The following SCAF11 variants were observed in gnomAD, a reference collection of about 807,000 sequenced individuals.
SCAF11 encodes the protein protein SCAF11.
In SCAF11, 47 loss-of-function variants were observed where a neutral mutation model predicts 140.5. That is an observed-to-expected ratio of 0.33 (90% CI 0.26 to 0.43). The LOEUF (loss-of-function observed/expected upper bound fraction) is 0.43, where lower values mean the gene tolerates loss of function less well. Ranked by LOEUF, SCAF11 falls within the 20% of genes least tolerant of loss-of-function variation. SCAF11 has a pLI of 1.00. For missense variants in SCAF11, 1,645 were observed against 1,705.1 expected (o/e 0.96, Z 0.62); for synonymous variants, 557 against 579.4 (o/e 0.96, Z 0.55).
chr12:45,943,797 G>A (rs1592186217), intron 6 of SCAF11, among the ~76,000 whole-genome samples: 1 of 152,230 alleles, frequency 6.6e-6, no homozygotes, highest in East Asian at 1.9e-4. Context: ...GGCATCTTAA[G>A]TAGATACAGC....
intron 1 of SCAF11, among the ~76,000 whole-genome samples, chr12:45,970,164 G>A (rs1167243390): frequency 3.3e-5 from 5 of 152,106 alleles, no homozygotes; most frequent in Non-Finnish European, 7.4e-5. Context: ...AAAGTGCTGG[G>A]ATTACAGGCA....
intron 1 of SCAF11, among the ~76,000 whole-genome samples, chr12:45,970,061 A>T (rs560774832): frequency 2.6e-4 from 39 of 152,286 alleles, no homozygotes; most frequent in African/African-American, 8.7e-4. Flanking sequence ...ACGCCCAGCT[A>T]ATTTTTGTAT....
intron 1 of SCAF11, among the ~76,000 whole-genome samples, chr12:45,976,642 A>G (rs1212269237): frequency 2.0e-5 from 3 of 152,142 alleles, no homozygotes; most frequent in African/African-American, 7.2e-5. Context: ...GTTACAGAGG[A>G]ACAAAAACAG....
intron 6 of SCAF11, among the ~76,000 whole-genome samples, chr12:45,940,962 A>C (rs746034132): frequency 1.3e-5 from 2 of 152,118 alleles, no homozygotes; most frequent in Non-Finnish European, 2.9e-5. Flanking sequence ...GTATCACCAC[A>C]CTTGGCTAAT....
chr12:45,990,857 C>T (rs1282392270), upstream of SCAF11, among the ~76,000 whole-genome samples: 1 of 152,338 alleles, frequency 6.6e-6, no homozygotes, highest in Admixed American at 6.5e-5. Context: ...GCTGGAGGGG[C>T]CTTCTGGGAA....
In SCAF11 at chr12:45,924,837, A is replaced by G. The variant is rs2136497784; in HGVS notation, c.3797T>C (p.Val1266Ala). Residue 1266 changes from valine to alanine, a missense_variant, in exon 12 of 15, where the codon GTA becomes GCA. Transcript: ENST00000369367. ...HLHTGVPLMQVATPTSVSQGL... is the reference protein window; with the variant it reads ...HLHTGVPLMQAATPTSVSQGL... ...CTGAGATACACTGGTAGGAGTGGCT[A>G]CCTGCATGAGGGGCACTCCTGTGTG... 1.9e-6 allele frequency: 3 copies of G among 1,614,094 alleles called. No individual in the cohort carries two copies. Among genetic ancestry groups the G allele is most frequent in the African/African-American group, 1.3e-5 (1 of 75,014 alleles).
intron 1 of SCAF11, among the ~76,000 whole-genome samples, chr12:45,965,204 T>C (rs1390660458): frequency 6.6e-6 from 1 of 152,134 alleles, no homozygotes; most frequent in Non-Finnish European, 1.5e-5. Context: ...AAAAGATAGA[T>C]ACGCCAGCCA....
At chr12:45,967,928 A>G (rs990066427) in intron 1 of SCAF11, among the ~76,000 whole-genome samples, 1 of 152,214 alleles carries the variant, frequency 6.6e-6, no homozygotes, top group African/African-American at 2.4e-5. Context: ...TTTTTGAATA[A>G]AAGCTTTGCT....
At chr12:45,972,899 T>TAGAC (rs67656438) in intron 1 of SCAF11, among the ~76,000 whole-genome samples, 1 of 64,658 alleles carries the variant, frequency 1.5e-5, no homozygotes, top group Non-Finnish European at 2.7e-5. Context: ...TATAGATATA[T>TAGAC]ATATATATAG....
At chr12:45,931,651 A>G in intron 9 of SCAF11, 39 bp from the exon 10 acceptor site, 1 of 1,095,472 alleles carries the variant, frequency 9.1e-7, no homozygotes, top group Non-Finnish European at 1.3e-6. Flanking sequence ...TAAATGGTTT[A>G]AAAAATTAAA....
chr12:45,984,255 T>C (rs1027591751), intron 1 of SCAF11, among the ~76,000 whole-genome samples: 3 of 152,022 alleles, frequency 2.0e-5, no homozygotes, highest in Non-Finnish European at 4.4e-5. Context: ...GCTTATAGAT[T>C]AGTTCTGTTG....
intron 5 of SCAF11, among the ~76,000 whole-genome samples, chr12:45,947,298 C>T (rs1398832604): frequency 6.6e-6 from 1 of 151,934 alleles, no homozygotes; most frequent in Non-Finnish European, 1.5e-5. Context: ...TTCAATTTAC[C>T]TCAAAAATGT....
intron 1 of SCAF11, among the ~76,000 whole-genome samples, chr12:45,978,146 A>C (rs1360881812): frequency 1.3e-5 from 2 of 152,192 alleles, no homozygotes; most frequent in East Asian, 3.8e-4. Flanking sequence ...ACAGGCTTCC[A>C]TTACTTCTCC....
intron 1 of SCAF11, among the ~76,000 whole-genome samples, chr12:45,968,828 A>T (rs2136631433): frequency 6.6e-6 from 1 of 152,290 alleles, no homozygotes; most frequent in Non-Finnish European, 1.5e-5. Context: ...CTACAGGCTG[A>T]GGCAGGAGAA....
chr12:45,934,371 G>A lies in SCAF11; in HGVS notation c.522+76C>T, dbSNP rs1295853772. On this transcript the variant is annotated intron_variant, in intron 7 of 14. Coordinates refer to ENST00000369367, the MANE Select transcript of SCAF11 (RefSeq NM_004719.3). Reference sequence around the variant, plus strand: ...ACTTAAATATTTTGATACACCTGAAGCACTGGTTATTTATGGACTAAATAA... The same window carrying A: ...ACTTAAATATTTTGATACACCTGAAACACTGGTTATTTATGGACTAAATAA... The A allele has an allele frequency of 3.6e-6, 5 of 1,380,612 alleles. No homozygotes were observed. In the Middle Eastern group the frequency reaches 5.5e-4, roughly 153 times the overall value. 85.5% of individuals were successfully genotyped at this position (1,380,612 alleles called of 1,614,324 possible).
At position 45,972,951 on chromosome 12, in the gene SCAF11, G is replaced by T. The variant is rs12830075; in HGVS notation, c.-21-8763C>A. ...ATAGATATATATAGATATATATATAGATATATAGATATATATATAGATATA... is the reference window on the plus strand; with the variant it reads ...ATAGATATATATAGATATATATATATATATATAGATATATATATAGATATA... On this transcript the variant is annotated intron_variant, in intron 1 of 14. Coordinates refer to ENST00000369367, the MANE Select transcript of SCAF11 (RefSeq NM_004719.3). Among the ~76,000 whole-genome samples the T allele has an allele frequency of 3.7e-4, 41 of 111,382 alleles. 1 individual carries two copies. The highest frequency in any genetic ancestry group is 3.1e-3 in the Admixed American group (35 of 11,268). The allele number at this position is 111,382 out of a possible 152,430, so 73.1% of individuals were successfully genotyped here. A position where few individuals can be genotyped will look rare whatever the true frequency, so the allele number is the denominator to read the frequency against.
intron 3 of SCAF11, chr12:45,953,901 G>A (rs1945614101): frequency 1.0e-6 from 1 of 987,298 alleles, no homozygotes; most frequent in Non-Finnish European, 1.3e-6. Flanking sequence ...GTAAGGTCTT[G>A]TAATCAACTA....
Position 45,926,434 on chromosome 12 carries a change from A to G in SCAF11, c.3267T>C (p.Tyr1089=). 6.2e-7 allele frequency: 1 copy of G among 1,614,184 alleles called. No individual in the cohort carries two copies. Among genetic ancestry groups the G allele is most frequent in the Non-Finnish European group, 8.5e-7 (1 of 1,180,016 alleles). The change falls in exon 11 of 15, where the codon TAT becomes TAC. Residue 1089 remains tyrosine, a synonymous_variant. Transcript: ENST00000369367. ...GRGTYRSSFA[Y]KDQNENRWQN... is the part of the protein sequence containing the mutation. ...GCCACCGATTTTCATTCTGATCTTT[A>G]TAGGCAAAACTACTTCTGTAAGTGC...
At chr12:45,987,918 G>C (rs952475006) in intron 1 of SCAF11, among the ~76,000 whole-genome samples, 2 of 151,438 alleles carry the variant, frequency 1.3e-5, no homozygotes, top group African/African-American at 2.4e-5. Flanking sequence ...GTTATGTATT[G>C]AATTTTTATG....
Sources: gnomAD v4.1 joint callset for allele counts (sites outside exome capture counted in the v4.1 genomes callset) on GRCh38, gnomAD v4.1.1 for gene constraint, MANE v1.5 for transcripts, NCBI Gene and HGNC (gene_info 2026-07-23, HGNC 2026-07-21) for gene names.